Variants in BAZ2B observed in about 807,000 individuals in gnomAD.
BAZ2B encodes the protein bromodomain adjacent to zinc finger domain 2B, also known as bromodomain adjacent to zinc finger domain protein 2B.
In BAZ2B, 91 loss-of-function variants were observed where a neutral mutation model predicts 246.0. The ratio of observed to expected loss-of-function variants is 0.37; its 90% confidence interval spans 0.31 to 0.44. The LOEUF is 0.44. BAZ2B is among the 20% of genes least tolerant of loss of function. The pLI, the probability that BAZ2B is intolerant of heterozygous loss-of-function variation, is 1.00. For synonymous variants in BAZ2B, 855 were observed against 860.0 expected, an observed-to-expected ratio of 0.99 and a Z score of 0.10; for missense variants, 2,332 against 2,533.7, an observed-to-expected ratio of 0.92 and a Z score of 1.71.
intron 1 of BAZ2B, among the ~76,000 whole-genome samples, chr2:159,579,196 AAG>A (rs1343363722): frequency 1.4e-5 from 2 of 147,706 alleles, no homozygotes; most frequent in Non-Finnish European, 3.0e-5. Flanking sequence ...TAAAGAAGAA[AAG>A]AGAGAAGAAT....
At chr2:159,566,537 G>A (rs909913015) in intron 1 of BAZ2B, among the ~76,000 whole-genome samples, 3 of 152,072 alleles carry the variant, frequency 2.0e-5, no homozygotes, top group South Asian at 2.1e-4. Flanking sequence ...TGAATTTTCA[G>A]TATCCCTGAA....
the BAZ2B span, among the ~76,000 whole-genome samples, chr2:159,645,176 G>A: frequency 1.3e-5 from 2 of 152,142 alleles, no homozygotes; most frequent in Non-Finnish European, 2.9e-5. Flanking sequence ...GGAGGCTGAG[G>A]TGTGAGGATC....
intron 31 of BAZ2B, among the ~76,000 whole-genome samples, chr2:159,343,258 A>C (rs1364083220): frequency 6.6e-6 from 1 of 152,212 alleles, no homozygotes; most frequent in Non-Finnish European, 1.5e-5. Flanking sequence ...TCCTATACAA[A>C]AATAACTCAA....
chr2:159,405,673 T>C (rs1253381077), intron 14 of BAZ2B, among the ~76,000 whole-genome samples: 1 of 152,304 alleles, frequency 6.6e-6, no homozygotes, highest in South Asian at 2.1e-4. Flanking sequence ...TAGGACTACA[T>C]AAAAATGAGG....
At chr2:159,322,148 C>T (rs562426885) in intron 36 of BAZ2B, 15 of 152,236 alleles carry the variant, frequency 9.9e-5, no homozygotes, top group African/African-American at 2.9e-4. Context: ...ACCTTTCACT[C>T]GCTTCTTCTG....
chr2:159,469,244 G>A lies in BAZ2B; in HGVS notation c.145+9331C>T, dbSNP rs151155947. On this transcript the variant is annotated intron_variant, in intron 3 of 36. Coordinates refer to ENST00000392783, the MANE Select transcript of BAZ2B (RefSeq NM_013450.4). ...AAAGACATAAGTTATGTATATCAAC[G>A]ATGAAAGAAAAAATCTCTCTACCAA... is the stretch of plus-strand genomic sequence containing the variant. Among the ~76,000 whole-genome samples, 535 of 151,880 alleles carry A rather than the reference G, an allele frequency of 3.5e-3. 3 individuals carry two copies. Among genetic ancestry groups the A allele is most frequent in the African/African-American group, 0.012 (493 of 41,428 alleles).
rs200722870 is a variant in BAZ2B at position 159,433,313 on chromosome 2, C to A, written c.1344G>T (p.Ser448=). The A allele has an allele frequency of 6.6e-5, 106 of 1,613,794 alleles. No individual in the cohort carries two copies. Among genetic ancestry groups the A allele is most frequent in the Non-Finnish European group, 8.6e-5 (101 of 1,180,008 alleles). Residue 448 remains serine (S), a synonymous_variant, in exon 9 of 37, where the codon TCG becomes TCT. Coordinates refer to ENST00000392783, the MANE Select transcript of BAZ2B (RefSeq NM_013450.4). ...CTGCAATAACCTTCTTCAGGCTCTT[C>A]GATGACTCTTGTTTCTTTAACTGTG... ...FPSQLKKQES[S]KSLKKVIAAL...
chr2:159,473,694 A>AT (rs1418452759), intron 3 of BAZ2B, among the ~76,000 whole-genome samples: 1 of 152,158 alleles, frequency 6.6e-6, no homozygotes, highest in East Asian at 1.9e-4. Context: ...TTTTGTGGGC[A>AT]TTTAGTGCTA....
intron 20 of BAZ2B, among the ~76,000 whole-genome samples, chr2:159,394,436 A>G (rs1336291948): frequency 6.6e-6 from 1 of 152,172 alleles, no homozygotes; most frequent in Non-Finnish European, 1.5e-5. Flanking sequence ...GTATAGATTC[A>G]ATTATTATGT....
chr2:159,389,692 G>T (rs2063098719), intron 20 of BAZ2B, among the ~76,000 whole-genome samples: 1 of 151,988 alleles, frequency 6.6e-6, no homozygotes, highest in African/African-American at 2.4e-5. Context: ...TCAATCATTT[G>T]CCAAGTTATA....
At chr2:159,341,459 G>A (rs1024871718) in intron 31 of BAZ2B, among the ~76,000 whole-genome samples, 4 of 152,272 alleles carry the variant, frequency 2.6e-5, no homozygotes, top group African/African-American at 9.6e-5. Flanking sequence ...CCCACTGTCA[G>A]CATTGGACAG....
At chr2:159,495,276 G>C (rs1358883514) in intron 2 of BAZ2B, among the ~76,000 whole-genome samples, 2 of 151,274 alleles carry the variant, frequency 1.3e-5, no homozygotes, top group Non-Finnish European at 2.9e-5. Context: ...ACGAGGTCAG[G>C]AGATCGAGAC....
At chr2:159,395,719 G>C (rs1164442274) in intron 20 of BAZ2B, 50 bp downstream of exon 20, 1 of 1,449,770 alleles carries the variant, frequency 6.9e-7, no homozygotes, top group Non-Finnish European at 9.5e-7. Context: ...AATGCTTTAG[G>C]AAAAAGCATT....
intron 2 of BAZ2B, among the ~76,000 whole-genome samples, chr2:159,480,443 T>A (rs1475628801): frequency 6.6e-6 from 1 of 152,132 alleles, no homozygotes; most frequent in Admixed American, 6.5e-5. Context: ...AAAACCTGAT[T>A]CAGGACTAAA....
intron 2 of BAZ2B, among the ~76,000 whole-genome samples, chr2:159,502,788 T>G (rs1280403597): frequency 6.6e-6 from 1 of 152,316 alleles, no homozygotes; most frequent in African/African-American, 2.4e-5. Context: ...ATTTTTCATG[T>G]GCTATAATGA....
chr2:159,611,487 T>G (rs1157190907), intron 1 of BAZ2B, among the ~76,000 whole-genome samples: 9 of 151,928 alleles, frequency 5.9e-5, no homozygotes, highest in Non-Finnish European at 1.2e-4. Flanking sequence ...TTAGCTTTAG[T>G]CAGTAATGTA....
chr2:159,357,311 G>A (rs2059220446), intron 27 of BAZ2B, among the ~76,000 whole-genome samples: 1 of 151,964 alleles, frequency 6.6e-6, no homozygotes, highest in African/African-American at 2.4e-5. Context: ...AACACAGCAC[G>A]AGAACTTCAG....
At chr2:159,578,967 G>C (rs1686041303) in intron 1 of BAZ2B, among the ~76,000 whole-genome samples, 1 of 152,104 alleles carries the variant, frequency 6.6e-6, no homozygotes, top group South Asian at 2.1e-4. Context: ...CCATGAGAAA[G>C]CAGGAAAGAT....
chr2:159,657,965 A>G, the BAZ2B span, among the ~76,000 whole-genome samples: 1 of 152,142 alleles, frequency 6.6e-6, no homozygotes, highest in Non-Finnish European at 1.5e-5. Flanking sequence ...CTTCAGTATG[A>G]CACCGAATGG....
Sources: allele counts gnomAD v4.1 joint callset (sites outside exome capture counted in the v4.1 genomes callset), GRCh38; gene constraint gnomAD v4.1.1; transcripts MANE v1.5; gene names NCBI Gene and HGNC (gene_info 2026-07-23, HGNC 2026-07-21).